Variants in PPP6R1 observed in about 807,000 individuals in gnomAD.
PPP6R1 encodes the protein serine/threonine-protein phosphatase 6 regulatory subunit 1.
A neutral mutation model predicts 104.6 loss-of-function variants in PPP6R1; 39 were observed. That is an observed-to-expected ratio of 0.37 (90% confidence interval 0.29 to 0.49). The LOEUF (loss-of-function observed/expected upper bound fraction) is 0.49. Ranked by LOEUF, PPP6R1 falls within the 20% of genes least tolerant of loss-of-function variation. The pLI, the probability that PPP6R1 is intolerant of heterozygous loss-of-function variation, is 0.98. For synonymous variants in PPP6R1, 549 were observed against 479.0 expected, an observed-to-expected ratio of 1.15 and a Z score of -1.91; for missense variants, 1,181 against 1,155.8, an observed-to-expected ratio of 1.02 and a Z score of -0.32.
intron 17 of PPP6R1, among the ~76,000 whole-genome samples, chr19:55,236,101 T>C (rs2087396552): frequency 6.6e-6 from 1 of 151,344 alleles, no homozygotes; most frequent in Non-Finnish European, 1.5e-5. Flanking sequence ...CCCGAAGTAC[T>C]GGGATTACAG....
At chr19:55,249,378 AC>A (rs1367451278) in intron 1 of PPP6R1, among the ~76,000 whole-genome samples, 2 of 152,172 alleles carry the variant, frequency 1.3e-5, no homozygotes, top group Non-Finnish European at 1.5e-5. Context: ...AGTAGCTGGT[AC>A]TACAAGCATC....
At chr19:55,232,372 G>C (rs2087357403) in intron 17 of PPP6R1, 161 bp from the exon 18 acceptor site, 21 of 1,114,984 alleles carry the variant, frequency 1.9e-5, no homozygotes, top group South Asian at 3.5e-5. Flanking sequence ...ACCAGGAGAG[G>C]CTGGGAGAGG....
chr19:55,244,464 G>A (rs1399736555), intron 5 of PPP6R1, among the ~76,000 whole-genome samples: 2 of 152,334 alleles, frequency 1.3e-5, no homozygotes, highest in Non-Finnish European at 1.5e-5. Context: ...AGGACAGCAA[G>A]GGGTTCAATC....
intron 22 of PPP6R1, 36 bp downstream of exon 22, chr19:55,230,738 A>ACCCGC: frequency 3.2e-6 from 3 of 925,628 alleles, no homozygotes; most frequent in Non-Finnish European, 4.7e-6. Flanking sequence ...CACCAGCCCC[A>ACCCGC]CCCCCACCCC....
rs763851466 is a variant in PPP6R1, at chr19:55,242,288, G to A, written c.732-9C>T. ...GCTCAATCGTCTCCTGCCTGCGGGG[G>A]CAGGGGCAGGGGTCAGGGTGAGGGG... is the stretch of plus-strand genomic sequence containing the variant. On this transcript the variant is annotated splice_polypyrimidine_tract_variant and intron_variant, in intron 6 of 23. Coordinates refer to ENST00000412770, the MANE Select transcript of PPP6R1 (RefSeq NM_014931.4). 5.5e-5 allele frequency: 88 copies of A among 1,613,414 alleles called. No individual in the cohort carries two copies. The highest frequency in any genetic ancestry group is 7.2e-5 in the Non-Finnish European group (85 of 1,179,558).
At chr19:55,254,007 G>A (rs936665917) in intron 1 of PPP6R1, among the ~76,000 whole-genome samples, 2 of 152,228 alleles carry the variant, frequency 1.3e-5, no homozygotes, top group African/African-American at 2.4e-5. Context: ...GTCTCTTCCG[G>A]TCCAACCCTG....
chr19:55,256,269 G>A (rs1474421917), intron 1 of PPP6R1, among the ~76,000 whole-genome samples: 2 of 152,220 alleles, frequency 1.3e-5, no homozygotes, highest in Non-Finnish European at 2.9e-5. Context: ...CCCAGCAGTG[G>A]AGCAAAGTTC....
At chr19:55,251,905 G>A (rs1248222135) in intron 1 of PPP6R1, among the ~76,000 whole-genome samples, 1 of 152,122 alleles carries the variant, frequency 6.6e-6, no homozygotes, top group African/African-American at 2.4e-5. Flanking sequence ...GCCTAAGGCT[G>A]TGGCGAGCAA....
At chr19:55,243,745 T>C (rs1360375225) in intron 5 of PPP6R1, among the ~76,000 whole-genome samples, 1 of 152,138 alleles carries the variant, frequency 6.6e-6, no homozygotes, top group African/African-American at 2.4e-5. Context: ...CCTGAACTCC[T>C]GGGCCCAAGA....
chr19:55,251,423 C>T lies in PPP6R1; in HGVS notation c.-6-4314G>A, dbSNP rs568227431. On this transcript the variant is annotated intron_variant, in intron 1 of 23. Coordinates refer to ENST00000412770, the MANE Select transcript of PPP6R1 (RefSeq NM_014931.4). Reference sequence around the variant, plus strand: ...CTGCCGTACCTGTCAGGGCGTTAGACGAAGTGAAATCACTCCCACTCCGGC... The same window carrying T: ...CTGCCGTACCTGTCAGGGCGTTAGATGAAGTGAAATCACTCCCACTCCGGC... Among the ~76,000 whole-genome samples the T allele has an allele frequency of 3.3e-5, 5 of 152,272 alleles. No individual in the cohort carries two copies. In the East Asian group the frequency reaches 7.7e-4, roughly 24 times the overall value.
At position 55,230,807 on chromosome 19, in the gene PPP6R1, C is replaced by T. The variant is rs778910287; in HGVS notation, c.2537G>A (p.Ser846Asn). 19 of 1,465,938 alleles carry T rather than the reference C, an allele frequency of 1.3e-5. No individual in the cohort carries two copies. The highest frequency in any genetic ancestry group is 2.7e-6 in the Non-Finnish European group (3 of 1,094,320). 90.8% of individuals were successfully genotyped at this position (1,465,938 alleles called of 1,614,324 possible). A position where few individuals can be genotyped will look rare whatever the true frequency, so the allele number is the denominator to read the frequency against. ...TTGGGGAAGCCCCAAGGGCTCTGGG[C>T]TCTTCTCCCCTTCTGTGGTCTGGGG... ...QPPQTTEGEKSPEPLGLPQSQ... is the reference protein window; with the variant it reads ...QPPQTTEGEKNPEPLGLPQSQ... Residue 846 changes from serine (S) to asparagine (N), a missense_variant, in exon 22 of 24, where the codon AGC (serine) becomes AAC (asparagine). By Grantham distance (46) the Ser-to-Asn change is conservative. Transcript: ENST00000412770.
intron 17 of PPP6R1, chr19:55,232,613 G>T: frequency 5.9e-6 from 1 of 168,994 alleles, no homozygotes; most frequent in Non-Finnish European, 1.2e-5. Context: ...CCCACCCTCT[G>T]GACAGAGGCT....
intron 10 of PPP6R1, among the ~76,000 whole-genome samples, chr19:55,240,564 C>A (rs568684023): frequency 2.6e-5 from 4 of 151,508 alleles, no homozygotes; most frequent in African/African-American, 2.4e-5. Context: ...CACATGCATG[C>A]ACTAACGGAC....
chr19:55,250,424 G>A (rs2087544121), intron 1 of PPP6R1, among the ~76,000 whole-genome samples: 2 of 152,166 alleles, frequency 1.3e-5, no homozygotes, highest in Non-Finnish European at 2.9e-5. Flanking sequence ...CTTAAGGGAT[G>A]AATGAGCGAG....
At chr19:55,247,246 GCCCGGCCCCGC>G in intron 1 of PPP6R1, 137 bp from the exon 2 acceptor site, 1 of 876,578 alleles carries the variant, frequency 1.1e-6, no homozygotes, top group South Asian at 1.6e-5. Flanking sequence ...CTCATGCTGA[GCCCGGCCCCGC>G]CCCGGGACTG....
chr19:55,242,496 G>A lies in PPP6R1; in HGVS notation c.619-8C>T, dbSNP rs757539694. ...GGATGCGTTGGAATGTTGCTGGAAC[G>A]GGGAGAGACAGGTGAGGATCCTGGT... On this transcript the variant is annotated splice_region_variant and splice_polypyrimidine_tract_variant and intron_variant, in intron 5 of 23. Transcript: ENST00000412770. The A allele has an allele frequency of 3.7e-5, 59 of 1,609,080 alleles. No homozygotes were observed. Among genetic ancestry groups the A allele is most frequent in the African/African-American group, 2.5e-4 (19 of 74,808 alleles).
chr19:55,236,810 G>A lies in PPP6R1; in HGVS notation c.1821C>T (p.Asn607=). ...LNADDENPNA[N]LLEICYKDRI... ...GGTCCTTGTAGCATATCTCAAGTAGGTTGGCGTTGGGCTGCAGGGCACAGG... is the reference window on the plus strand; with the variant it reads ...GGTCCTTGTAGCATATCTCAAGTAGATTGGCGTTGGGCTGCAGGGCACAGG... The change falls in exon 17 of 24, where the codon AAC becomes AAT. Residue 607 remains asparagine (N), a synonymous_variant. Transcript: ENST00000412770. 1 of 1,613,936 alleles carries A rather than the reference G, an allele frequency of 6.2e-7. No homozygotes were observed. Among genetic ancestry groups the A allele is most frequent in the East Asian group, 2.2e-5 (1 of 44,880 alleles).
At chr19:55,240,511 GCATA>G (rs1268797824) in intron 10 of PPP6R1, among the ~76,000 whole-genome samples, 2 of 126,114 alleles carry the variant, frequency 1.6e-5, no homozygotes, top group African/African-American at 6.5e-5. Context: ...AATATGTGGT[GCATA>G]CACACACACA....
chr19:55,256,389 A>G (rs766060881), intron 1 of PPP6R1, among the ~76,000 whole-genome samples: 1 of 152,244 alleles, frequency 6.6e-6, no homozygotes, highest in Non-Finnish European at 1.5e-5. Flanking sequence ...TCCACTCACC[A>G]GATACTGGCA....
Sources: allele counts gnomAD v4.1 joint callset (sites outside exome capture counted in the v4.1 genomes callset), GRCh38; gene constraint gnomAD v4.1.1; transcripts MANE v1.5; gene names NCBI Gene and HGNC (gene_info 2026-07-23, HGNC 2026-07-21).